Variants in SCART1 observed in about 807,000 individuals in gnomAD.
The protein encoded by SCART1 is scavenger receptor cysteine-rich domain-containing protein SCART1.
Under a neutral mutation model 36.2 loss-of-function variants are expected in SCART1, and 62 were observed. The observed-to-expected ratio is 1.71, with a 90% CI of 1.40 to 2.12. The LOEUF is 2.12. Ranked by LOEUF, SCART1 falls within the 30% of genes most tolerant of loss-of-function variation. The pLI, the probability that SCART1 is intolerant of heterozygous loss-of-function variation, is 0.00. For missense variants in SCART1, 1,041 were observed against 540.5 expected, an observed-to-expected ratio of 1.93 and a Z score of -9.18; for synonymous variants, 487 against 238.7, an observed-to-expected ratio of 2.04 and a Z score of -9.59.
chr10:133,464,257 G>T (rs1850735760), intron 6 of SCART1: 1 of 299,120 alleles, frequency 3.3e-6, no homozygotes, highest in Non-Finnish European at 6.2e-6. Flanking sequence ...ATTGTCAATA[G>T]TGCTGCGGTG....
chr10:133,456,982 AC>A (rs1850624505), intron 2 of SCART1: 1 of 516,322 alleles, frequency 1.9e-6, no homozygotes, highest in Non-Finnish European at 3.4e-6. Context: ...GGCTGTGAGG[AC>A]CCCCTCATAG....
exon 5 of SCART1, chr10:133,459,203 G>T (rs899652215): frequency 1.4e-6 from 1 of 702,070 alleles, no homozygotes; most frequent in Non-Finnish European, 2.6e-6. Flanking sequence ...GGACGGGGAC[G>T]CTGCCATCTG....
At chr10:133,457,923 G>C (rs1217961117) in intron 3 of SCART1, 1 of 510,500 alleles carries the variant, frequency 2.0e-6, no homozygotes, top group African/African-American at 1.9e-5. Flanking sequence ...CCTCAACTGT[G>C]TGTGAGCTGC....
At position 133,459,281 on chromosome 10, in the gene SCART1, GC is replaced by G; in HGVS notation, c.1244del (p.Pro415ArgfsTer22). ...GAATTGCCCAGTAAGCACCCTGGGG[GC>G]CCCGGCCTGTGCCCCGGGAAACACA... On this transcript the variant is annotated frameshift_variant, in exon 5 of 12. Transcript: ENST00000640237. LOFTEE classifies it high-confidence loss of function. The G allele has an allele frequency of 1.5e-6, 1 of 655,942 alleles. No homozygotes were observed. Among genetic ancestry groups the G allele is most frequent in the Non-Finnish European group, 2.8e-6 (1 of 359,404 alleles). The allele number at this position is 655,942 out of a possible 1,614,324, so 40.6% of individuals were successfully genotyped here.
chr10:133,465,025 T>TG (rs1480144116), intron 7 of SCART1, 81 bp from the exon 8 acceptor site: 1 of 700,440 alleles, frequency 1.4e-6, no homozygotes, highest in African/African-American at 1.7e-5. Flanking sequence ...AGCCTGGGCC[T>TG]GGGGGTCACT....
In SCART1 at chr10:133,460,050, C is replaced by T. The variant is rs758916153; in HGVS notation, c.1849C>T (p.Arg617Cys). The T allele has an allele frequency of 9.8e-6, 5 of 512,498 alleles. No individual in the cohort carries two copies. In the East Asian group the frequency reaches 1.0e-4, roughly 11 times the overall value. 31.7% of individuals were successfully genotyped at this position (512,498 alleles called of 1,614,324 possible). Reference sequence around the variant, plus strand: ...CGCACACTTCGGAGCCGGGGCAGGGCGCATCTGGCTGGACGAGCTGGGCTG... The same window carrying T: ...CGCACACTTCGGAGCCGGGGCAGGGTGCATCTGGCTGGACGAGCTGGGCTG... The change falls in exon 6 of 12, where the codon CGC becomes TGC. Residue 617 changes from arginine to cysteine, a missense_variant. Arg to Cys is a radical substitution (Grantham distance 180). Coordinates refer to ENST00000640237, the Ensembl canonical transcript of SCART1.
exon 6 of SCART1, chr10:133,459,529 G>A: frequency 1.5e-6 from 1 of 680,338 alleles, no homozygotes; most frequent in Non-Finnish European, 2.7e-6. Context: ...CAGAGCCGCT[G>A]TGACGGCCGC....
At chr10:133,458,990 G>A (rs1850658172) in intron 4 of SCART1, 31 bp from the exon 5 acceptor site, 1 of 650,488 alleles carries the variant, frequency 1.5e-6, no homozygotes, top group South Asian at 1.7e-5. Context: ...TCGGCCGTCT[G>A]CAAGCCAGGC....
chr10:133,463,844 T>A (rs1475661281), intron 6 of SCART1, among the ~76,000 whole-genome samples: 2 of 152,144 alleles, frequency 1.3e-5, no homozygotes. Context: ...ATATCCTCCT[T>A]CCAGCGATTT....
At chr10:133,459,421 C>T (rs1351077042) in intron 5 of SCART1, 66 bp from the exon 6 acceptor site, 4 of 615,762 alleles carry the variant, frequency 6.5e-6, no homozygotes, top group African/African-American at 3.7e-5. Flanking sequence ...GGTACGGGCC[C>T]TGCTGGGGGG....
At chr10:133,465,262 C>G (rs938792024) in exon 9 of SCART1, 6 of 693,078 alleles carry the variant, frequency 8.7e-6, no homozygotes, top group Admixed American at 4.1e-5. Context: ...GGAGGGCGCA[C>G]TGCGCGTGCG....
At chr10:133,460,041 G>C in exon 6 of SCART1, 2 of 510,922 alleles carry the variant, frequency 3.9e-6, no homozygotes, top group Non-Finnish European at 6.9e-6. Flanking sequence ...CTTCGGAGCC[G>C]GGGCAGGGCG....
chr10:133,465,891 C>T (rs1167024664), intron 9 of SCART1: 1 of 682,776 alleles, frequency 1.5e-6, no homozygotes, highest in African/African-American at 1.8e-5. Flanking sequence ...AACAGTTAAC[C>T]ACAGTGATGA....
At chr10:133,465,316 G>A (rs1300409964) in exon 9 of SCART1, 1 of 683,010 alleles carries the variant, frequency 1.5e-6, no homozygotes, top group African/African-American at 1.8e-5. Flanking sequence ...GCTCTGGCAC[G>A]CGGGCTCCTG....
At chr10:133,463,910 GA>G (rs1850732920) in intron 6 of SCART1, among the ~76,000 whole-genome samples, 1 of 152,100 alleles carries the variant, frequency 6.6e-6, no homozygotes, top group Admixed American at 6.5e-5. Context: ...TAGAATGCTA[GA>G]ATTTATTCCT....
At chr10:133,463,211 T>TACAC (rs377183853) in intron 6 of SCART1, among the ~76,000 whole-genome samples, 5 of 150,922 alleles carry the variant, frequency 3.3e-5, no homozygotes, top group African/African-American at 1.2e-4. Context: ...GGGGCTGAGG[T>TACAC]ACACACACAC....
chr10:133,457,314 C>T (rs763100941), exon 3 of SCART1: 9 of 699,728 alleles, frequency 1.3e-5, no homozygotes, highest in Middle Eastern at 3.5e-4. Context: ...GGTGAAGGGC[C>T]GCAGTCCCTG....
At chr10:133,467,974 C>G in exon 12 of SCART1, 1 of 684,692 alleles carries the variant, frequency 1.5e-6, no homozygotes, top group South Asian at 1.5e-5. Flanking sequence ...TGTAAAGCAA[C>G]CTGAGGATGA....
At chr10:133,465,324 C>G (rs559483126) in exon 9 of SCART1, 30 of 688,070 alleles carry the variant, frequency 4.4e-5, no homozygotes, top group Admixed American at 1.9e-4. Flanking sequence ...ACGCGGGCTC[C>G]TGGGGCACCG....
Sources: gnomAD v4.1 joint callset for allele counts (sites outside exome capture counted in the v4.1 genomes callset) on GRCh38, gnomAD v4.1.1 for gene constraint, MANE v1.5 for transcripts, NCBI Gene and HGNC (gene_info 2026-07-23, HGNC 2026-07-21) for gene names.